LRP11: variants seen among roughly 807,000 people sequenced by gnomAD.
LRP11 encodes low-density lipoprotein receptor-related protein 11.
LRP11 carries 25 observed loss-of-function variants against 43.1 expected under a neutral mutation model. The observed-to-expected ratio is 0.58, with a 90% CI of 0.42 to 0.81. The LOEUF (loss-of-function observed/expected upper bound fraction) is 0.81, where lower values mean the gene tolerates loss of function less well. Among genes scored for constraint, LRP11 ranks in the 30% least tolerant of loss-of-function variants. The pLI, the probability that LRP11 is intolerant of heterozygous loss-of-function variation, is 0.00. For synonymous variants in LRP11, 316 were observed against 299.4 expected, an observed-to-expected ratio of 1.06 and a Z score of -0.57; for missense variants, 623 against 665.1, an observed-to-expected ratio of 0.94 and a Z score of 0.70.
chr6:149,846,976 T>TAGAATAGAATAGAAC (rs1316470851), intron 2 of LRP11, among the ~76,000 whole-genome samples: 2 of 150,402 alleles, frequency 1.3e-5, no homozygotes, highest in African/African-American at 4.9e-5. Context: ...TAGAATAGAA[T>TAGAATAGAATAGAAC]AGAATAGAAT....
intron 1 of LRP11, among the ~76,000 whole-genome samples, chr6:149,855,589 G>A (rs772321120): frequency 9.2e-5 from 14 of 152,022 alleles, no homozygotes; most frequent in African/African-American, 2.2e-4. Flanking sequence ...AAAAGCAGCC[G>A]GACCTTGATC....
At chr6:149,847,838 C>T (rs1448714459) in intron 2 of LRP11, among the ~76,000 whole-genome samples, 1 of 113,570 alleles carries the variant, frequency 8.8e-6, no homozygotes, top group Admixed American at 9.9e-5. Context: ...CACACACACA[C>T]ACACACACAC....
At chr6:149,828,301 A>C (rs1275872487) in intron 5 of LRP11, among the ~76,000 whole-genome samples, 1 of 152,094 alleles carries the variant, frequency 6.6e-6, no homozygotes, top group African/African-American at 2.4e-5. Context: ...GAAAAATAAG[A>C]CCATGCAGCT....
At chr6:149,837,078 T>A (rs1776483129) in intron 4 of LRP11, among the ~76,000 whole-genome samples, 1 of 152,070 alleles carries the variant, frequency 6.6e-6, no homozygotes, top group Admixed American at 6.5e-5. Flanking sequence ...AGAAAGCACA[T>A]GACATGCAGC....
intron 3 of LRP11, among the ~76,000 whole-genome samples, chr6:149,841,874 T>C (rs1355768964): frequency 6.6e-6 from 1 of 151,896 alleles, no homozygotes; most frequent in East Asian, 1.9e-4. Context: ...ACTGCACCAC[T>C]GCACTCCCAC....
At chr6:149,855,634 G>A (rs1776786474) in intron 1 of LRP11, among the ~76,000 whole-genome samples, 2 of 151,858 alleles carry the variant, frequency 1.3e-5, no homozygotes, top group African/African-American at 2.4e-5. Flanking sequence ...GAGGGGTCTG[G>A]GGCTCTTAGA....
intron 4 of LRP11, 121 bp from the exon 5 acceptor site, chr6:149,836,418 T>A: frequency 1.3e-6 from 1 of 787,228 alleles, no homozygotes; most frequent in Non-Finnish European, 2.1e-6. Flanking sequence ...CCCACTCATC[T>A]AAGACATGTC....
intron 6 of LRP11, among the ~76,000 whole-genome samples, chr6:149,823,080 A>G (rs1776296463): frequency 6.6e-6 from 1 of 152,062 alleles, no homozygotes; most frequent in Admixed American, 6.6e-5. Context: ...GGACCAAAAA[A>G]AAACAGAAGA....
intron 2 of LRP11, among the ~76,000 whole-genome samples, chr6:149,850,362 C>T: frequency 6.6e-6 from 1 of 152,130 alleles, no homozygotes; most frequent in East Asian, 1.9e-4. Flanking sequence ...AATAAGGCTG[C>T]TCAAGTTAAA....
At chr6:149,834,993 C>T (rs1429549369) in intron 5 of LRP11, among the ~76,000 whole-genome samples, 2 of 152,202 alleles carry the variant, frequency 1.3e-5, no homozygotes, top group Admixed American at 6.5e-5. Context: ...AATAAACTTA[C>T]TAAAATCATG....
intron 2 of LRP11, among the ~76,000 whole-genome samples, chr6:149,844,845 A>T (rs987801818): frequency 6.6e-6 from 1 of 152,198 alleles, no homozygotes; most frequent in African/African-American, 2.4e-5. Flanking sequence ...GATGCTTTAC[A>T]ATCATTTAGA....
At chr6:149,821,730 A>C (rs1156293798) in intron 6 of LRP11, among the ~76,000 whole-genome samples, 2 of 152,192 alleles carry the variant, frequency 1.3e-5, no homozygotes, top group Non-Finnish European at 2.9e-5. Flanking sequence ...TCTGGAGATT[A>C]TATGGTGGAA....
At chr6:149,853,759 G>A (rs1776757930) in intron 1 of LRP11, among the ~76,000 whole-genome samples, 1 of 152,136 alleles carries the variant, frequency 6.6e-6, no homozygotes, top group South Asian at 2.1e-4. Context: ...TGATCCATCT[G>A]CCTCGGCCTC....
intron 3 of LRP11, among the ~76,000 whole-genome samples, chr6:149,841,015 T>C (rs1776538626): frequency 6.6e-6 from 1 of 152,176 alleles, no homozygotes; most frequent in African/African-American, 2.4e-5. Flanking sequence ...GGGCTGGAGT[T>C]TGGTGCCTGT....
chr6:149,839,728 C>T (rs1776520687), intron 3 of LRP11, among the ~76,000 whole-genome samples: 1 of 152,166 alleles, frequency 6.6e-6, no homozygotes, highest in South Asian at 2.1e-4. Context: ...AATCTCAGCT[C>T]ACTGCAGCCT....
intron 1 of LRP11, among the ~76,000 whole-genome samples, chr6:149,855,716 A>ATTT (rs1776788977): frequency 2.0e-5 from 3 of 148,554 alleles, no homozygotes; most frequent in African/African-American, 7.8e-5. Flanking sequence ...TTTTTTTAAA[A>ATTT]AAAAAACACA....
intron 1 of LRP11, among the ~76,000 whole-genome samples, chr6:149,857,722 A>G (rs1259339515): frequency 1.3e-5 from 2 of 152,188 alleles, no homozygotes; most frequent in Non-Finnish European, 2.9e-5. Flanking sequence ...CCCCGTTGGC[A>G]GTACCTAGGT....
intron 2 of LRP11, 48 bp downstream of exon 2, chr6:149,852,955 C>A (rs776798670): frequency 6.6e-7 from 1 of 1,503,820 alleles, no homozygotes; most frequent in Non-Finnish European, 9.0e-7. Context: ...TACAAAAGAC[C>A]ACTTCACTGA....
intron 5 of LRP11, among the ~76,000 whole-genome samples, chr6:149,830,760 G>T (rs1776398647): frequency 1.3e-5 from 2 of 152,226 alleles, no homozygotes; most frequent in Admixed American, 1.3e-4. Context: ...TCCCTGGGGA[G>T]AGGAAGATGG....
Sources: gnomAD v4.1 joint callset for allele counts (sites outside exome capture counted in the v4.1 genomes callset) on GRCh38, gnomAD v4.1.1 for gene constraint, MANE v1.5 for transcripts, NCBI Gene and HGNC (gene_info 2026-07-23, HGNC 2026-07-21) for gene names.